Variants in ABHD17B observed in about 807,000 individuals in gnomAD.
ABHD17B encodes the protein alpha/beta hydrolase domain-containing protein 17B.
In ABHD17B, 9 loss-of-function variants were observed where a neutral mutation model predicts 26.2. That is an observed-to-expected ratio of 0.34 (90% CI 0.21 to 0.60). The LOEUF (loss-of-function observed/expected upper bound fraction) is 0.60, where lower values mean the gene tolerates loss of function less well. Ranked by LOEUF, ABHD17B falls within the 20% of genes least tolerant of loss-of-function variation. The pLI is 0.80. For synonymous variants in ABHD17B, 127 were observed against 122.3 expected, an observed-to-expected ratio of 1.04 and a Z score of -0.25; for missense variants, 224 against 352.1, an observed-to-expected ratio of 0.64 and a Z score of 2.91.
intron 1 of ABHD17B, among the ~76,000 whole-genome samples, chr9:71,881,348 G>T (rs1225973095): frequency 6.6e-6 from 1 of 152,100 alleles, no homozygotes; most frequent in African/African-American, 2.4e-5. Flanking sequence ...CTCAAAATGA[G>T]TCAAAGACTA....
At chr9:71,872,249 A>G (rs1034949065) in intron 2 of ABHD17B, among the ~76,000 whole-genome samples, 5 of 152,192 alleles carry the variant, frequency 3.3e-5, no homozygotes, top group Non-Finnish European at 7.4e-5. Flanking sequence ...TCAACACGAA[A>G]GAAAACACAG....
intron 3 of ABHD17B, among the ~76,000 whole-genome samples, chr9:71,868,750 A>G (rs376112142): frequency 1.7e-4 from 26 of 152,290 alleles, no homozygotes; most frequent in African/African-American, 6.3e-4. Context: ...GTGCAGTGGC[A>G]CCATCTTGGC....
chr9:71,881,083 C>T (rs891674892), intron 1 of ABHD17B, among the ~76,000 whole-genome samples: 30 of 151,904 alleles, frequency 2.0e-4, no homozygotes, highest in Admixed American at 1.0e-3. Context: ...TTCACACTTC[C>T]CAATTTCAAA....
chr9:71,908,354 T>G (rs1809215066), intron 1 of ABHD17B, among the ~76,000 whole-genome samples: 1 of 138,710 alleles, frequency 7.2e-6, no homozygotes, highest in African/African-American at 2.8e-5. Context: ...ATCGCGCCAT[T>G]GCACGCCAGC....
chr9:71,897,745 T>C (rs1482115927), intron 1 of ABHD17B, among the ~76,000 whole-genome samples: 2 of 152,204 alleles, frequency 1.3e-5, no homozygotes, highest in African/African-American at 4.8e-5. Flanking sequence ...TCCTTACTAA[T>C]GTGGCCTTCA....
intron 1 of ABHD17B, among the ~76,000 whole-genome samples, chr9:71,901,150 T>G (rs889531831): frequency 6.6e-6 from 1 of 151,820 alleles, no homozygotes; most frequent in Non-Finnish European, 1.5e-5. Flanking sequence ...AGACTCTGTC[T>G]CAAAATAAAT....
downstream of ABHD17B, among the ~76,000 whole-genome samples, chr9:71,864,093 G>A (rs1459774026): frequency 1.3e-5 from 2 of 151,532 alleles, no homozygotes; most frequent in Non-Finnish European, 2.9e-5. Context: ...CTATACTCTT[G>A]ACAAGTGCTG....
At position 71,866,050 on chromosome 9, in the gene ABHD17B, T is replaced by C. The variant is rs947181018; in HGVS notation, c.*737A>G. 9.1e-6 allele frequency: 9 copies of C among 985,350 alleles called. No individual in the cohort carries two copies. The African/African-American group carries it at 1.6e-4, about 17-fold the overall frequency. 61.0% of individuals were successfully genotyped at this position (985,350 alleles called of 1,614,324 possible). A position where few individuals can be genotyped will look rare whatever the true frequency, so the allele number is the denominator to read the frequency against. The stretch of plus-strand genomic sequence containing the variant: ...ATTCTTGAAATCTCTAAATGCCTTT[T>C]AAGTAACCAGCATGAAAATTTTAAG... On this transcript the variant is annotated 3_prime_UTR_variant, in exon 4 of 4. Coordinates refer to ENST00000333421, the MANE Select transcript of ABHD17B (RefSeq NM_001025780.3).
chr9:71,891,325 G>C (rs1250173962), intron 1 of ABHD17B, among the ~76,000 whole-genome samples: 1 of 152,026 alleles, frequency 6.6e-6, no homozygotes, highest in Non-Finnish European at 1.5e-5. Context: ...TGTCCATTTT[G>C]TTTTATACTT....
chr9:71,887,938 GCTAT>G (rs1474269907), intron 1 of ABHD17B, among the ~76,000 whole-genome samples: 1 of 152,098 alleles, frequency 6.6e-6, no homozygotes, highest in Non-Finnish European at 1.5e-5. Flanking sequence ...ACTCAATTAG[GCTAT>G]CTATATGTTT....
Position 71,866,003 on chromosome 9 carries a change from T to C in ABHD17B, c.*784A>G. On this transcript the variant is annotated 3_prime_UTR_variant, in exon 4 of 4. Coordinates refer to ENST00000333421, the MANE Select transcript of ABHD17B (RefSeq NM_001025780.3). The stretch of plus-strand genomic sequence containing the variant: ...TGAAGACTATGAGATCAGTCAAAAT[T>C]TAAAACATCGTATACAAAATCATTC... 2.0e-6 allele frequency: 2 copies of C among 985,356 alleles called. No homozygotes were observed. The highest frequency in any genetic ancestry group is 5.2e-4 in the Middle Eastern group (1 of 1,914). 61.0% of individuals were successfully genotyped at this position (985,356 alleles called of 1,614,324 possible).
chr9:71,889,145 T>C (rs985499805), intron 1 of ABHD17B, among the ~76,000 whole-genome samples: 12 of 151,394 alleles, frequency 7.9e-5, no homozygotes, highest in African/African-American at 2.9e-4. Flanking sequence ...TGAAACTCCA[T>C]CTCTACCAAA....
intron 1 of ABHD17B, among the ~76,000 whole-genome samples, chr9:71,887,557 C>G (rs1044679492): frequency 1.3e-5 from 2 of 152,308 alleles, no homozygotes; most frequent in South Asian, 4.1e-4. Flanking sequence ...TAAATATTCA[C>G]TTCTTCAATC....
rs368670824 is a variant in ABHD17B, at chr9:71,904,502, T to A, written c.-4+6132A>T. ...GAAATTCTATTCTGTTAAAAAAAAA[T>A]TAGGGTCATCAGTATCATTTTTAAA... is the stretch of plus-strand genomic sequence containing the variant. On this transcript the variant is annotated intron_variant, in intron 1 of 3. Coordinates refer to ENST00000333421, the MANE Select transcript of ABHD17B (RefSeq NM_001025780.3). Among the ~76,000 whole-genome samples, 145 of 152,222 alleles carry A rather than the reference T, an allele frequency of 9.5e-4. 1 individual carries two copies. The highest frequency in any genetic ancestry group is 3.4e-3 in the African/African-American group (141 of 41,544).
In ABHD17B at chr9:71,866,548, G is replaced by A; in HGVS notation, c.*239C>T. The A allele has an allele frequency of 7.6e-7, 1 of 1,317,124 alleles. No homozygotes were observed. 81.6% of individuals were successfully genotyped at this position (1,317,124 alleles called of 1,614,324 possible). On this transcript the variant is annotated 3_prime_UTR_variant, in exon 4 of 4. Transcript: ENST00000333421. ...AATCTCATACAGTACTCATCTTGAT[G>A]TTAAAAAAAAATTCACAGAAAAAAT...
At chr9:71,905,534 T>C (rs1397406293) in intron 1 of ABHD17B, among the ~76,000 whole-genome samples, 1 of 152,204 alleles carries the variant, frequency 6.6e-6, no homozygotes, top group Non-Finnish European at 1.5e-5. Context: ...CATTATGGAC[T>C]GGAAGTTGTA....
Position 71,865,322 on chromosome 9 carries a change from T to C in ABHD17B, c.*1465A>G. 1.0e-6 allele frequency: 1 copy of C among 985,144 alleles called. No homozygotes were observed. Among genetic ancestry groups the C allele is most frequent in the Non-Finnish European group, 1.2e-6 (1 of 829,294 alleles). 61.0% of individuals were successfully genotyped at this position (985,144 alleles called of 1,614,324 possible). A position where few individuals can be genotyped will look rare whatever the true frequency, so the allele number is the denominator to read the frequency against. On this transcript the variant is annotated 3_prime_UTR_variant, in exon 4 of 4. Transcript: ENST00000333421. ...CTTAAAATATATCCACAGTGTGTAT[T>C]ATTTCCATATTCATTCATTTACAAA...
At chr9:71,897,573 A>C (rs1313483261) in intron 1 of ABHD17B, among the ~76,000 whole-genome samples, 1 of 152,236 alleles carries the variant, frequency 6.6e-6, no homozygotes, top group African/African-American at 2.4e-5. Flanking sequence ...TTATTTCCCA[A>C]AGGAAGTTAT....
At chr9:71,865,024 C>A (rs1825915271), downstream of ABHD17B, 3 of 323,552 alleles carry the variant, frequency 9.3e-6, no homozygotes, top group Non-Finnish European at 1.3e-5. Flanking sequence ...AAAGAAAGAC[C>A]TCTCCAAAAA....
Sources: gnomAD v4.1 joint callset for allele counts (sites outside exome capture counted in the v4.1 genomes callset) on GRCh38, gnomAD v4.1.1 for gene constraint, MANE v1.5 for transcripts, NCBI Gene and HGNC (gene_info 2026-07-23, HGNC 2026-07-21) for gene names.